Variants in TDRKH observed in about 807,000 individuals in gnomAD.
TDRKH encodes tudor and KH domain-containing protein.
A neutral mutation model predicts 61.3 loss-of-function variants in TDRKH; 28 were observed. That is an observed-to-expected ratio of 0.46 (90% confidence interval 0.34 to 0.63). The LOEUF is 0.63. Among genes scored for constraint, TDRKH ranks in the 20% least tolerant of loss-of-function variants. The pLI, the probability that TDRKH is intolerant of heterozygous loss-of-function variation, is 0.01. For synonymous variants in TDRKH, 219 were observed against 244.4 expected, an observed-to-expected ratio of 0.90 and a Z score of 0.97; for missense variants, 540 against 683.4, an observed-to-expected ratio of 0.79 and a Z score of 2.34.
At chr1:151,780,247 G>C (rs544186028) in intron 3 of TDRKH, 107 bp from the exon 4 acceptor site, 359 of 1,112,306 alleles carry the variant, frequency 3.2e-4, no homozygotes, top group Non-Finnish European at 4.4e-4. Context: ...TTAGCCAAAG[G>C]AATTAGCTAA....
chr1:151,771,151 G>A, downstream of TDRKH: 4 of 1,613,738 alleles, frequency 2.5e-6, no homozygotes, highest in Non-Finnish European at 3.4e-6. Context: ...CCCTCCCTTG[G>A]ACAATGTCAT....
chr1:151,774,839 C>T (rs753366473), intron 11 of TDRKH, 33 bp from the exon 12 acceptor site: 6 of 1,609,616 alleles, frequency 3.7e-6, no homozygotes, highest in Admixed American at 1.7e-5. Flanking sequence ...AAAGGAGGAA[C>T]ATGTTGGCTT....
In TDRKH at chr1:151,783,007, T is replaced by C; in HGVS notation, c.16A>G (p.Thr6Ala). 1 of 1,613,068 alleles carries C rather than the reference T, an allele frequency of 6.2e-7. No individual in the cohort carries two copies. Among genetic ancestry groups the C allele is most frequent in the Non-Finnish European group, 8.5e-7 (1 of 1,179,608 alleles). The change falls in exon 2 of 13, where the codon ACT (threonine) becomes GCT (alanine). Residue 6 changes from threonine to alanine, a missense_variant. Transcript: ENST00000368824. MSTER[T>A]SWTSLSTIQK... ...ATGGTGGACAGGCTTGTCCAAGAAG[T>C]CCGTTCAGTAGACATTTTCTGCTGT...
At chr1:151,766,748 T>G, downstream of TDRKH, 10 of 1,556,054 alleles carry the variant, frequency 6.4e-6, no homozygotes, top group Non-Finnish European at 8.7e-6. Context: ...GTCGCCCCTC[T>G]GTCTACTCCC....
At chr1:151,767,591 T>A, downstream of TDRKH, 2 of 386,820 alleles carry the variant, frequency 5.2e-6, no homozygotes, top group Non-Finnish European at 8.7e-6. Flanking sequence ...AGATCCTGCT[T>A]AAAGATGCTA....
chr1:151,779,920 G>C (rs1649586816), intron 4 of TDRKH, 31 bp downstream of exon 4: 1 of 1,576,828 alleles, frequency 6.3e-7, no homozygotes, highest in African/African-American at 1.4e-5. Flanking sequence ...AAAGAATAAA[G>C]GAAACAATAG....
In TDRKH at chr1:151,779,221, C is replaced by A; in HGVS notation, c.443G>T (p.Arg148Leu). Residue 148 changes from arginine (R) to leucine (L), a missense_variant, in exon 5 of 13, where the codon CGT becomes CTT. Around this residue, in one of 3 missense-constraint regions of TDRKH, gnomAD observed 156 missense variants for 218.0 expected, o/e 0.72. Coordinates refer to ENST00000368824, the MANE Select transcript of TDRKH (RefSeq NM_001083965.2). Reference sequence around the variant, plus strand: ...GGCTCCAGATGCCTTACAGATAGAACGAATTGTCTCGCCGCCTCTCCCTAC... The same window carrying A: ...GGCTCCAGATGCCTTACAGATAGAAAGAATTGTCTCGCCGCCTCTCCCTAC... ...RIIGRGGETI[R>L]SICKASGAKI... is the part of the protein sequence containing the mutation. The A allele has an allele frequency of 6.2e-7, 1 of 1,614,096 alleles. No homozygotes were observed. Among genetic ancestry groups the A allele is most frequent in the Non-Finnish European group, 8.5e-7 (1 of 1,180,010 alleles).
intron 1 of TDRKH, 162 bp from the exon 2 acceptor site, chr1:151,783,211 C>A: frequency 2.0e-6 from 1 of 505,214 alleles, no homozygotes; most frequent in African/African-American, 2.0e-5. Context: ...AAAAAGGGCT[C>A]AGGGTATTTT....
chr1:151,770,497 A>G (rs1284156172), downstream of TDRKH: 4 of 461,582 alleles, frequency 8.7e-6, no homozygotes, highest in Non-Finnish European at 1.5e-5. Flanking sequence ...CACTGGTGAA[A>G]TTACACAGAA....
downstream of TDRKH, chr1:151,766,796 CTA>C: frequency 6.3e-7 from 1 of 1,593,152 alleles, no homozygotes. Flanking sequence ...GTAACTACCT[CTA>C]CCCGATCTGG....
intron 5 of TDRKH, 37 bp from the exon 6 acceptor site, chr1:151,779,043 G>C (rs368521219): frequency 1.9e-4 from 304 of 1,612,030 alleles, no homozygotes; most frequent in Non-Finnish European, 2.3e-4. Flanking sequence ...ATTCTGACCT[G>C]GGATAGAGTA....
At chr1:151,787,811 A>C (rs1650482399) in intron 1 of TDRKH, among the ~76,000 whole-genome samples, 1 of 101,670 alleles carries the variant, frequency 9.8e-6, no homozygotes, top group Non-Finnish European at 2.0e-5. Context: ...GTTTCTACAA[A>C]AAAAAAAAAA....
chr1:151,788,267 A>C (rs190539696), intron 1 of TDRKH, among the ~76,000 whole-genome samples: 1 of 152,358 alleles, frequency 6.6e-6, no homozygotes, highest in African/African-American at 2.4e-5. Flanking sequence ...CCTATACTAC[A>C]TGAATGAACT....
Position 151,774,699 on chromosome 1 carries a change from A to G in TDRKH, c.1633+11T>C. 1 of 1,613,724 alleles carries G rather than the reference A, an allele frequency of 6.2e-7. No individual in the cohort carries two copies. Among genetic ancestry groups the G allele is most frequent in the East Asian group, 2.2e-5 (1 of 44,888 alleles). On this transcript the variant is annotated intron_variant, in intron 12 of 12. Coordinates refer to ENST00000368824, the MANE Select transcript of TDRKH (RefSeq NM_001083965.2). ...TCCAAAGATGCTCTAGGGAGGAAAT[A>G]CTGCTTGTACCTGATAAGCTGAGGC...
At chr1:151,789,404 C>T (rs1184269490) in intron 1 of TDRKH, among the ~76,000 whole-genome samples, 1 of 152,110 alleles carries the variant, frequency 6.6e-6, no homozygotes, top group African/African-American at 2.4e-5. Context: ...CTGCATAGTA[C>T]TGACTGCTAG....
At chr1:151,767,165 T>C (rs776693361), downstream of TDRKH, 1 of 1,613,772 alleles carries the variant, frequency 6.2e-7, no homozygotes, top group Non-Finnish European at 8.5e-7. Context: ...CCAACCAGCA[T>C]CACTTATAAG....
chr1:151,787,508 C>T (rs1054340322), intron 1 of TDRKH, among the ~76,000 whole-genome samples: 12 of 152,234 alleles, frequency 7.9e-5, no homozygotes, highest in Middle Eastern at 3.4e-3. Flanking sequence ...TGAGCCACTG[C>T]GCCTGGCTTA....
chr1:151,771,088 CGG>C, downstream of TDRKH: 1 of 1,594,370 alleles, frequency 6.3e-7, no homozygotes. Context: ...TGCCCTGCTG[CGG>C]GCCTTCAGCT....
At chr1:151,784,557 C>T (rs1650140526) in intron 1 of TDRKH, among the ~76,000 whole-genome samples, 1 of 152,072 alleles carries the variant, frequency 6.6e-6, no homozygotes, top group Non-Finnish European at 1.5e-5. Context: ...CTGATGATTC[C>T]CTCTTCTCTG....
Sources: allele counts gnomAD v4.1 joint callset (sites outside exome capture counted in the v4.1 genomes callset), GRCh38; gene constraint gnomAD v4.1.1; regional missense constraint gnomAD v4.1.1; transcripts MANE v1.5; gene names NCBI Gene and HGNC (gene_info 2026-07-23, HGNC 2026-07-21).